Variants in GRID1 observed in about 807,000 individuals in gnomAD.
GRID1 encodes glutamate receptor ionotropic, delta-1.
Under a neutral mutation model 98.0 loss-of-function variants are expected in GRID1, and 28 were observed. The ratio of observed to expected loss-of-function variants is 0.29; its 90% confidence interval spans 0.21 to 0.39. The LOEUF (loss-of-function observed/expected upper bound fraction) is 0.39, where lower values mean the gene tolerates loss of function less well. GRID1 is among the 10% of genes least tolerant of loss of function. The pLI, the probability that GRID1 is intolerant of heterozygous loss-of-function variation, is 1.00. For synonymous variants in GRID1, 553 were observed against 538.5 expected (o/e 1.03, Z -0.37); for missense variants, 1,111 against 1,340.5 (o/e 0.83, Z 2.67).
At chr10:86,165,055 T>C (rs967503904) in intron 3 of GRID1, among the ~76,000 whole-genome samples, 1 of 152,170 alleles carries the variant, frequency 6.6e-6, no homozygotes, top group African/African-American at 2.4e-5. Context: ...GCTGCCCTGC[T>C]GTGTGCTCCA....
chr10:86,297,251 C>T (rs1847606653), intron 2 of GRID1, among the ~76,000 whole-genome samples: 2 of 151,994 alleles, frequency 1.3e-5, no homozygotes, highest in South Asian at 2.1e-4. Flanking sequence ...AAAGCAATAA[C>T]AAAGTACTGT....
At chr10:86,253,577 A>G (rs950382168) in intron 2 of GRID1, among the ~76,000 whole-genome samples, 3 of 152,056 alleles carry the variant, frequency 2.0e-5, no homozygotes, top group African/African-American at 7.2e-5. Flanking sequence ...GCCCAGAGAC[A>G]CACCCACCCA....
intron 2 of GRID1, among the ~76,000 whole-genome samples, chr10:86,338,300 C>T (rs1226565979): frequency 2.0e-5 from 3 of 152,072 alleles, no homozygotes; most frequent in Non-Finnish European, 4.4e-5. Context: ...ACCTCTTTCC[C>T]CTCGAGTGGA....
chr10:86,233,860 A>T (rs1846495071), intron 2 of GRID1, among the ~76,000 whole-genome samples: 1 of 150,772 alleles, frequency 6.6e-6, no homozygotes, highest in Admixed American at 6.6e-5. Context: ...GGCATGGCCA[A>T]GACTCCCTTG....
intron 8 of GRID1, among the ~76,000 whole-genome samples, chr10:85,808,339 T>C (rs1007725066): frequency 4.6e-5 from 7 of 152,050 alleles, no homozygotes; most frequent in Non-Finnish European, 1.0e-4. Flanking sequence ...TGAGAAAAAT[T>C]TGTGAAGTAT....
intron 2 of GRID1, among the ~76,000 whole-genome samples, chr10:86,230,931 G>A (rs1282948554): frequency 1.3e-5 from 2 of 152,202 alleles, no homozygotes; most frequent in Non-Finnish European, 2.9e-5. Context: ...GCCCGGCGGT[G>A]TGGGCAGTGA....
At chr10:85,879,565 G>T (rs887208327) in intron 5 of GRID1, among the ~76,000 whole-genome samples, 1 of 152,094 alleles carries the variant, frequency 6.6e-6, no homozygotes, top group Admixed American at 6.5e-5. Context: ...GATGTTCTTT[G>T]AAACCAACGA....
intron 12 of GRID1, among the ~76,000 whole-genome samples, chr10:85,663,522 C>T (rs937647947): frequency 2.0e-5 from 3 of 152,166 alleles, no homozygotes; most frequent in Non-Finnish European, 4.4e-5. Flanking sequence ...CAGTTTGTGA[C>T]ACTTTGTTCA....
At chr10:86,221,422 T>C (rs1846252780) in intron 2 of GRID1, among the ~76,000 whole-genome samples, 1 of 152,174 alleles carries the variant, frequency 6.6e-6, no homozygotes, top group African/African-American at 2.4e-5. Context: ...AAGCACGCCG[T>C]GCTGGGAACA....
chr10:86,200,244 A>C (rs1312480586), intron 3 of GRID1, among the ~76,000 whole-genome samples: 1 of 152,136 alleles, frequency 6.6e-6, no homozygotes. Context: ...TTGCCTAATA[A>C]AAAGTAAAAA....
chr10:86,043,986 G>A (rs1328000067), intron 4 of GRID1, among the ~76,000 whole-genome samples: 1 of 152,166 alleles, frequency 6.6e-6, no homozygotes, highest in African/African-American at 2.4e-5. Context: ...TTACCTACAT[G>A]TGCTCAATAG....
chr10:85,863,239 C>T (rs931014202), intron 6 of GRID1, among the ~76,000 whole-genome samples: 11 of 152,186 alleles, frequency 7.2e-5, no homozygotes, highest in African/African-American at 2.2e-4. Flanking sequence ...TGAGGACGTG[C>T]TTTTTGGCTC....
chr10:85,646,800 C>G (rs1320630270), intron 13 of GRID1: 6 of 234,270 alleles, frequency 2.6e-5, no homozygotes, highest in Admixed American at 9.7e-5. Context: ...ACCAGACCCC[C>G]AAGCTAACCA....
intron 12 of GRID1, among the ~76,000 whole-genome samples, chr10:85,712,154 G>A (rs1189381120): frequency 1.3e-5 from 2 of 151,696 alleles, no homozygotes; most frequent in Admixed American, 6.6e-5. Flanking sequence ...GTAGAGCTAA[G>A]TCCTTTCTTA....
intron 8 of GRID1, among the ~76,000 whole-genome samples, chr10:85,787,394 G>C (rs2132735115): frequency 6.6e-6 from 1 of 152,252 alleles, no homozygotes; most frequent in South Asian, 2.1e-4. Context: ...TTCATAAGAG[G>C]TCCTGTGGGT....
At chr10:85,712,445 T>C (rs1366142488) in intron 12 of GRID1, among the ~76,000 whole-genome samples, 2 of 151,746 alleles carry the variant, frequency 1.3e-5, no homozygotes, top group Non-Finnish European at 3.0e-5. Context: ...TTGACAAAAC[T>C]GAAGGGAGAA....
At chr10:86,247,748 G>A (rs1020086302) in intron 2 of GRID1, among the ~76,000 whole-genome samples, 5 of 152,178 alleles carry the variant, frequency 3.3e-5, no homozygotes, top group African/African-American at 1.2e-4. Flanking sequence ...ACAGAGCAGA[G>A]ACTGGCACCG....
At chr10:85,875,214 G>T (rs576347787) in intron 5 of GRID1, among the ~76,000 whole-genome samples, 1 of 152,224 alleles carries the variant, frequency 6.6e-6, no homozygotes, top group Non-Finnish European at 1.5e-5. Flanking sequence ...AGTATAGAAA[G>T]ACAGCCCTTG....
Position 86,363,998 on chromosome 10 carries a change from T to G in GRID1, c.178A>C (p.Ile60Leu). 6.2e-7 allele frequency: 1 copy of G among 1,614,008 alleles called. No homozygotes were observed. The highest frequency in any genetic ancestry group is 1.3e-5 in the African/African-American group (1 of 75,056). The change falls in exon 2 of 16, where the codon ATC (isoleucine) becomes CTC (leucine). Residue 60 changes from isoleucine to leucine, a missense_variant. By Grantham distance (5) the Ile-to-Leu change is conservative. This residue lies in a region of GRID1 where 346 missense variants were observed against 452.3 expected (regional missense o/e 0.76). Coordinates refer to ENST00000327946, the MANE Select transcript of GRID1 (RefSeq NM_017551.3). ...TCGATGACCTTGATGGAGTAGGTGA[T>G]CTTCTCGCTCTGCAGGATGTCATCG... Reference protein sequence around the residue: ...LNDDILQSEKITYSIKVIEAN... With the variant: ...LNDDILQSEKLTYSIKVIEAN...
Sources: allele counts gnomAD v4.1 joint callset (sites outside exome capture counted in the v4.1 genomes callset), GRCh38; gene constraint gnomAD v4.1.1; regional missense constraint gnomAD v4.1.1; transcripts MANE v1.5; gene names NCBI Gene and HGNC (gene_info 2026-07-23, HGNC 2026-07-21).